Variants in HCRTR2 observed in about 807,000 individuals in gnomAD.
The protein encoded by HCRTR2 is hypocretin receptor 2, also known as orexin receptor type 2.
A neutral mutation model predicts 49.0 loss-of-function variants in HCRTR2; 22 were observed. The observed-to-expected ratio is 0.45, with a 90% CI of 0.32 to 0.64. The LOEUF (loss-of-function observed/expected upper bound fraction) is 0.64. Among genes scored for constraint, HCRTR2 ranks in the 30% least tolerant of loss-of-function variants. HCRTR2 has a pLI of 0.04. For synonymous variants in HCRTR2, 236 were observed against 205.3 expected (o/e 1.15, Z -1.28); for missense variants, 491 against 559.4 (o/e 0.88, Z 1.23).
At chr6:55,111,954 C>T (rs1581777862) in intron 1 of HCRTR2, among the ~76,000 whole-genome samples, 1 of 151,746 alleles carries the variant, frequency 6.6e-6, no homozygotes, top group East Asian at 1.9e-4. Flanking sequence ...TATGATCAAG[C>T]AGGTTTTATA....
intron 1 of HCRTR2, among the ~76,000 whole-genome samples, chr6:55,131,614 A>T (rs1177367330): frequency 1.3e-5 from 2 of 151,838 alleles, no homozygotes; most frequent in Non-Finnish European, 3.0e-5. Context: ...GACAAGCAAA[A>T]AAAGGCAAAA....
chr6:55,112,808 C>A (rs966398622), intron 1 of HCRTR2, among the ~76,000 whole-genome samples: 1 of 151,758 alleles, frequency 6.6e-6, no homozygotes, highest in East Asian at 1.9e-4. Context: ...CCTATGATAC[C>A]ATGAAAGAGC....
intron 1 of HCRTR2, among the ~76,000 whole-genome samples, chr6:55,124,882 T>A (rs1244476117): frequency 1.3e-5 from 2 of 152,010 alleles, no homozygotes; most frequent in South Asian, 2.1e-4. Flanking sequence ...TCTCTTTTGA[T>A]CTTTGTTGGT....
Position 55,179,194 on chromosome 6 carries a change from C to T in HCRTR2, c.223+4384C>T, listed in dbSNP as rs139438627. On this transcript the variant is annotated intron_variant, in intron 1 of 6. Coordinates refer to ENST00000370862, the MANE Select transcript of HCRTR2 (RefSeq NM_001384272.1). ...TAGAGACATTTATTTTCTGCTTCTC[C>T]GAATGCCCATTTTAGTTTCATGGGT... Among the ~76,000 whole-genome samples, 20 of 152,084 alleles carry T rather than the reference C, an allele frequency of 1.3e-4. No homozygotes were observed. In the East Asian group the frequency reaches 2.1e-3, roughly 16 times the overall value.
intron 3 of HCRTR2, among the ~76,000 whole-genome samples, chr6:55,262,932 A>C (rs1348313858): frequency 5.3e-5 from 8 of 151,412 alleles, no homozygotes; most frequent in Admixed American, 4.0e-4. Context: ...GATTAATTAT[A>C]AATAAAAAAT....
At chr6:55,170,976 T>A (rs1764942006), upstream of HCRTR2, among the ~76,000 whole-genome samples, 4 of 152,182 alleles carry the variant, frequency 2.6e-5, no homozygotes, top group South Asian at 8.3e-4. Flanking sequence ...TAATCCAGTC[T>A]ATCATTGTTG....
chr6:55,148,552 CAGA>C (rs1764624464), intron 1 of HCRTR2, among the ~76,000 whole-genome samples: 2 of 152,104 alleles, frequency 1.3e-5, no homozygotes, highest in Non-Finnish European at 2.9e-5. Context: ...AGAATTGTTT[CAGA>C]AGGAGTTGAC....
intron 1 of HCRTR2, among the ~76,000 whole-genome samples, chr6:55,106,891 G>A (rs1763982491): frequency 6.6e-6 from 1 of 152,044 alleles, no homozygotes; most frequent in South Asian, 2.1e-4. Flanking sequence ...AAAGGGGCCT[G>A]TGTTTAGCTT....
At chr6:55,243,943 G>A (rs1363916870) in intron 1 of HCRTR2, among the ~76,000 whole-genome samples, 1 of 151,962 alleles carries the variant, frequency 6.6e-6, no homozygotes, top group East Asian at 1.9e-4. Flanking sequence ...TTATTTTGTT[G>A]GTTGACCAGT....
intron 1 of HCRTR2, among the ~76,000 whole-genome samples, chr6:55,162,022 C>T (rs2127262796): frequency 6.6e-6 from 1 of 152,210 alleles, no homozygotes; most frequent in East Asian, 1.9e-4. Context: ...CTGGCAGAGA[C>T]ATACACACAA....
chr6:55,174,867 C>A (rs1293142951), intron 1 of HCRTR2, 57 bp downstream of exon 1: 1 of 1,427,266 alleles, frequency 7.0e-7, no homozygotes, highest in Non-Finnish European at 9.9e-7. Flanking sequence ...CCGCCCCGGG[C>A]TGAGAAGGCT....
At chr6:55,112,141 T>G (rs772642224) in intron 1 of HCRTR2, among the ~76,000 whole-genome samples, 1 of 151,816 alleles carries the variant, frequency 6.6e-6, no homozygotes, top group African/African-American at 2.4e-5. Flanking sequence ...AAGGAACATA[T>G]CTTAGGGTAA....
chr6:55,178,962 G>A (rs1230477307), intron 1 of HCRTR2, among the ~76,000 whole-genome samples: 1 of 152,172 alleles, frequency 6.6e-6, no homozygotes, highest in Non-Finnish European at 1.5e-5. Flanking sequence ...TTGGTAATAT[G>A]TTGATTTAAC....
intron 1 of HCRTR2, among the ~76,000 whole-genome samples, chr6:55,206,331 C>A (rs977978162): frequency 1.3e-5 from 2 of 151,960 alleles, no homozygotes. Context: ...TGTAAAATTG[C>A]AAGACAATTA....
intron 1 of HCRTR2, among the ~76,000 whole-genome samples, chr6:55,213,913 T>TCCTTAACCCTTAACTC (rs1187909171): frequency 6.6e-5 from 10 of 152,184 alleles, no homozygotes; most frequent in African/African-American, 2.4e-4. Context: ...CTCAAGGTTT[T>TCCTTAACCCTTAACTC]TTTCCTGGGG....
chr6:55,245,047 T>A (rs927709582), intron 1 of HCRTR2, among the ~76,000 whole-genome samples: 1 of 151,956 alleles, frequency 6.6e-6, no homozygotes, highest in Non-Finnish European at 1.5e-5. Context: ...ATTAATAGTA[T>A]CATGCTGTTT....
chr6:55,242,547 A>G (rs1177647695), intron 1 of HCRTR2, among the ~76,000 whole-genome samples: 8 of 152,252 alleles, frequency 5.3e-5, no homozygotes, highest in Admixed American at 4.6e-4. Flanking sequence ...TATATTTAGT[A>G]CAGATCCTTT....
chr6:55,252,220 C>T (rs1338306613), intron 2 of HCRTR2, among the ~76,000 whole-genome samples: 1 of 152,110 alleles, frequency 6.6e-6, no homozygotes, highest in Non-Finnish European at 1.5e-5. Context: ...GCATATTCCT[C>T]CCTTTTCTGT....
chr6:55,262,019 T>C (rs1201860311), intron 3 of HCRTR2, among the ~76,000 whole-genome samples: 1 of 151,890 alleles, frequency 6.6e-6, no homozygotes, highest in Non-Finnish European at 1.5e-5. Context: ...AGTGAAGTAA[T>C]TCAGGAATGG....
Sources: gnomAD v4.1 joint callset for allele counts (sites outside exome capture counted in the v4.1 genomes callset) on GRCh38, gnomAD v4.1.1 for gene constraint, MANE v1.5 for transcripts, NCBI Gene and HGNC (gene_info 2026-07-23, HGNC 2026-07-21) for gene names.